The following PCDH9 variants were observed in gnomAD, a reference collection of about 807,000 sequenced individuals.
PCDH9 encodes the protein protocadherin 9.
PCDH9 carries 24 observed loss-of-function variants against 70.6 expected under a neutral mutation model. The observed-to-expected ratio is 0.34, with a 90% CI of 0.25 to 0.48. The LOEUF (loss-of-function observed/expected upper bound fraction) is 0.48. Among genes scored for constraint, PCDH9 ranks in the 20% least tolerant of loss-of-function variants. The pLI is 0.99. For missense variants in PCDH9, 1,281 were observed against 1,503.6 expected (o/e 0.85, Z 2.45); for synonymous variants, 562 against 558.5 (o/e 1.01, Z -0.09).
rs532365762 is a variant in PCDH9, at chr13:66,587,482, CACTCTAAAGGTAA to C, written c.3340+43715_3340+43727del. On this transcript the variant is annotated intron_variant, in intron 4 of 4. Transcript: ENST00000377865. ...AAATCTGAAGGCAATGTTGTGTTAG[CACTCTAAAGGTAA>C]ACCACCTTCAGTAACCATGAAATTT... Among the ~76,000 whole-genome samples, 6 of 152,208 alleles carry C rather than the reference CACTCTAAAGGTAA, an allele frequency of 3.9e-5. 1 individual carries two copies. The South Asian group carries it at 1.2e-3, about 32-fold the overall frequency.
rs181182415 is a variant in PCDH9 at position 66,641,753 on chromosome 13, G to T, written c.3139-10342C>A. ...TGGACAGAGAGATATAGGTAGTTAA[G>T]TAGATAGAAATATCGATATGGGTTG... On this transcript the variant is annotated intron_variant, in intron 3 of 4. Transcript: ENST00000377865. 3.2e-4 allele frequency among the ~76,000 whole-genome samples: 49 copies of T among 152,224 alleles called. No homozygotes were observed. The East Asian group carries it at 8.1e-3, about 25-fold the overall frequency.
At chr13:66,808,858 C>T (rs1286774067) in intron 3 of PCDH9, among the ~76,000 whole-genome samples, 1 of 152,182 alleles carries the variant, frequency 6.6e-6, no homozygotes, top group Non-Finnish European at 1.5e-5. Context: ...AGCAGATTTG[C>T]ATCTTAACAA....
chr13:66,897,678 T>C (rs1373066575), intron 3 of PCDH9, among the ~76,000 whole-genome samples: 1 of 152,168 alleles, frequency 6.6e-6, no homozygotes, highest in Non-Finnish European at 1.5e-5. Flanking sequence ...AGTGTTTCTA[T>C]ACTACTGCAG....
At position 67,175,166 on chromosome 13, in the gene PCDH9, A is replaced by G. The variant is rs752258059; in HGVS notation, c.3036+50239T>C. Among the ~76,000 whole-genome samples the G allele has an allele frequency of 5.9e-5, 9 of 152,106 alleles. 1 individual carries two copies. The South Asian group carries it at 6.2e-4, about 11-fold the overall frequency. Reference sequence around the variant, plus strand: ...AATGAAATAAAAAATGTTTTTAAGGATCCTCTCCAAGCTCTGGACAATATG... The same window carrying G: ...AATGAAATAAAAAATGTTTTTAAGGGTCCTCTCCAAGCTCTGGACAATATG... On this transcript the variant is annotated intron_variant, in intron 2 of 4. Coordinates refer to ENST00000377865, the MANE Select transcript of PCDH9 (RefSeq NM_203487.3).
chr13:66,536,965 T>A (rs1960731989), intron 4 of PCDH9, among the ~76,000 whole-genome samples: 1 of 152,146 alleles, frequency 6.6e-6, no homozygotes, highest in South Asian at 2.1e-4. Context: ...TCTCAAAAAA[T>A]TCTTTGAAAT....
chr13:67,107,965 T>G (rs1338900895), intron 2 of PCDH9, among the ~76,000 whole-genome samples: 1 of 152,188 alleles, frequency 6.6e-6, no homozygotes, highest in East Asian at 1.9e-4. Context: ...ACATCTAGAC[T>G]TCATGCAGTA....
rs764217381 is a variant in PCDH9, at chr13:66,869,081, A to G, written c.3138+34423T>C. On this transcript the variant is annotated intron_variant, in intron 3 of 4. Transcript: ENST00000377865. Reference sequence around the variant, plus strand: ...ATATTTTCTTTTATGAGTTTACTCAATGAAAATAAGCATACATTCAGTATC... The same window carrying G: ...ATATTTTCTTTTATGAGTTTACTCAGTGAAAATAAGCATACATTCAGTATC... 4.6e-5 allele frequency among the ~76,000 whole-genome samples: 7 copies of G among 152,186 alleles called. No homozygotes were observed. In the South Asian group the frequency reaches 8.3e-4, roughly 18 times the overall value.
chr13:66,396,922 A>G (rs2138283394), intron 4 of PCDH9, among the ~76,000 whole-genome samples: 1 of 152,244 alleles, frequency 6.6e-6, no homozygotes, highest in East Asian at 1.9e-4. Context: ...TAAAACCAAA[A>G]TCATTTGGAT....
At chr13:67,129,969 C>T (rs1055335056) in intron 2 of PCDH9, among the ~76,000 whole-genome samples, 1 of 152,038 alleles carries the variant, frequency 6.6e-6, no homozygotes, top group African/African-American at 2.4e-5. Context: ...TGGGAAAGAT[C>T]ACCTTGGAAA....
intron 4 of PCDH9, among the ~76,000 whole-genome samples, chr13:66,483,544 A>G (rs1958880598): frequency 6.6e-6 from 1 of 152,244 alleles, no homozygotes; most frequent in Non-Finnish European, 1.5e-5. Flanking sequence ...GAGTGTACAC[A>G]TAGAAAAGTA....
At chr13:66,456,718 T>C (rs1958324341) in intron 4 of PCDH9, among the ~76,000 whole-genome samples, 1 of 152,160 alleles carries the variant, frequency 6.6e-6, no homozygotes, top group Non-Finnish European at 1.5e-5. Flanking sequence ...TCAGTTTGAC[T>C]CTTTCCCCGT....
At chr13:66,923,420 G>A (rs2082668718) in intron 2 of PCDH9, among the ~76,000 whole-genome samples, 1 of 151,384 alleles carries the variant, frequency 6.6e-6, no homozygotes, top group African/African-American at 2.4e-5. Flanking sequence ...TTTTTAATCT[G>A]TAAATTGAAT....
At chr13:67,129,037 T>C (rs933872805) in intron 2 of PCDH9, among the ~76,000 whole-genome samples, 8 of 152,178 alleles carry the variant, frequency 5.3e-5, no homozygotes, top group Non-Finnish European at 1.0e-4. Context: ...TAATTTTTTT[T>C]TACTTAACAC....
At chr13:67,139,648 C>T (rs1233577930) in intron 2 of PCDH9, among the ~76,000 whole-genome samples, 1 of 152,082 alleles carries the variant, frequency 6.6e-6, no homozygotes, top group Admixed American at 6.6e-5. Context: ...TGATAATCAG[C>T]AGTTTTGCTT....
chr13:66,364,784 A>C (rs9317585), intron 4 of PCDH9, among the ~76,000 whole-genome samples: 66,298 of 152,028 alleles, frequency 0.44, 16,035 homozygotes, highest in East Asian at 0.62. Flanking sequence ...CATAGGTGTG[A>C]GGTGCAGACT....
At chr13:66,518,379 C>T (rs144615179) in intron 4 of PCDH9, among the ~76,000 whole-genome samples, 1 of 152,138 alleles carries the variant, frequency 6.6e-6, no homozygotes, top group African/African-American at 2.4e-5. Context: ...AGACAAATAT[C>T]CAAACTATAT....
At chr13:67,074,271 C>T (rs1238851894) in intron 2 of PCDH9, among the ~76,000 whole-genome samples, 1 of 151,944 alleles carries the variant, frequency 6.6e-6, no homozygotes, top group Non-Finnish European at 1.5e-5. Context: ...GAATTAGTGC[C>T]TTTGTAAATG....
rs554628901 is a variant in PCDH9 at position 67,144,531 on chromosome 13, A to G, written c.3036+80874T>C. 5.3e-5 allele frequency among the ~76,000 whole-genome samples: 8 copies of G among 152,272 alleles called. No homozygotes were observed. The East Asian group carries it at 1.5e-3, about 29-fold the overall frequency. ...TAGCTATCGTTCTGGGAACAAGTAC[A>G]TGAATTAAATGTGTAAAACATTAGA... On this transcript the variant is annotated intron_variant, in intron 2 of 4. Coordinates refer to ENST00000377865, the MANE Select transcript of PCDH9 (RefSeq NM_203487.3).
chr13:66,707,358 T>C (rs1275197839), intron 3 of PCDH9, among the ~76,000 whole-genome samples: 3 of 152,182 alleles, frequency 2.0e-5, no homozygotes, highest in Non-Finnish European at 4.4e-5. Context: ...ACTACGCACT[T>C]AGAAAAAAAG....
Sources: gnomAD v4.1 joint callset for allele counts (sites outside exome capture counted in the v4.1 genomes callset) on GRCh38, gnomAD v4.1.1 for gene constraint, MANE v1.5 for transcripts, NCBI Gene and HGNC (gene_info 2026-07-23, HGNC 2026-07-21) for gene names.